The following CAMKK2 variants were observed in gnomAD, a reference collection of about 807,000 sequenced individuals.
The protein encoded by CAMKK2 is calcium/calmodulin dependent protein kinase kinase 2, also known as calcium/calmodulin-dependent protein kinase kinase 2.
In CAMKK2, 30 loss-of-function variants were observed where a neutral mutation model predicts 67.2. That is an observed-to-expected ratio of 0.45 (90% CI 0.33 to 0.61). The LOEUF (loss-of-function observed/expected upper bound fraction) is 0.61. Ranked by LOEUF, CAMKK2 falls within the 20% of genes least tolerant of loss-of-function variation. The probability of loss-of-function intolerance (pLI) is 0.02; values close to 1 mark genes in which losing one functional copy is unlikely to be tolerated. For missense variants in CAMKK2, 643 were observed against 802.0 expected (o/e 0.80, Z 2.39); for synonymous variants, 322 against 326.2 (o/e 0.99, Z 0.14).
At chr12:121,270,975 T>C (rs199517871) in intron 2 of CAMKK2, 30 bp from the exon 3 acceptor site, 72 of 1,605,894 alleles carry the variant, frequency 4.5e-5, no homozygotes, top group Non-Finnish European at 5.9e-5. Flanking sequence ...ACGTGCAAAA[T>C]GAATTTTAAG....
intron 14 of CAMKK2, among the ~76,000 whole-genome samples, chr12:121,247,531 A>G (rs1057333682): frequency 6.6e-6 from 1 of 152,190 alleles, no homozygotes; most frequent in South Asian, 2.1e-4. Context: ...GTGGGTGCAG[A>G]GTCCGACGCC....
chr12:121,286,907 G>T (rs906520498), intron 1 of CAMKK2, among the ~76,000 whole-genome samples: 1 of 151,356 alleles, frequency 6.6e-6, no homozygotes, highest in Non-Finnish European at 1.5e-5. Context: ...TCCTTTTTTT[G>T]GGGGGCGGGG....
rs201611432 is a variant in CAMKK2, at chr12:121,240,662, G to A, written c.*37C>T. 6.1e-5 allele frequency: 95 copies of A among 1,555,330 alleles called. No homozygotes were observed. The highest frequency in any genetic ancestry group is 7.4e-5 in the Non-Finnish European group (86 of 1,156,124). Reference sequence around the variant, plus strand: ...CGCGGTGCAGCAGCCCCCCAGAGGCGACGCGGCGCGCATGCGAGGTCGAGC... The same window carrying A: ...CGCGGTGCAGCAGCCCCCCAGAGGCAACGCGGCGCGCATGCGAGGTCGAGC... On this transcript the variant is annotated 3_prime_UTR_variant, in exon 17 of 17. Coordinates refer to ENST00000404169, the MANE Select transcript of CAMKK2 (RefSeq NM_001270485.2). This position sits in a 1 kb window ranked among gnomAD's most constrained non-coding sequence, Gnocchi z 4.4.
chr12:121,241,555 C>G (rs60714133), intron 16 of CAMKK2, among the ~76,000 whole-genome samples: 102 of 152,166 alleles, frequency 6.7e-4, no homozygotes, highest in African/African-American at 2.4e-3. Context: ...GTGACAGGTG[C>G]GAGGGGAATC....
At chr12:121,286,948 C>T (rs1898867347) in intron 1 of CAMKK2, among the ~76,000 whole-genome samples, 2 of 152,148 alleles carry the variant, frequency 1.3e-5, no homozygotes, top group Non-Finnish European at 2.9e-5. Flanking sequence ...CTCTATTGCC[C>T]AGGCTGGAAT....
At chr12:121,283,037 G>A (rs1032000908) in intron 1 of CAMKK2, among the ~76,000 whole-genome samples, 1 of 152,310 alleles carries the variant, frequency 6.6e-6, no homozygotes, top group East Asian at 1.9e-4. Context: ...TTACAGGCAT[G>A]AGCCACCACG....
chr12:121,288,917 T>G lies in CAMKK2; in HGVS notation c.-60+7721A>C, dbSNP rs370024842. Among the ~76,000 whole-genome samples the G allele has an allele frequency of 3.0e-3, 460 of 152,294 alleles. 3 individuals are homozygous for G. The highest frequency in any genetic ancestry group is 0.011 in the African/African-American group (446 of 41,560). On this transcript the variant is annotated intron_variant, in intron 1 of 16. Transcript: ENST00000404169. ...GTGGGGGTGGGGGCACTACAGAATCTTCTCATTTTCTTTCATTCCTTTTCA... is the reference window on the plus strand; with the variant it reads ...GTGGGGGTGGGGGCACTACAGAATCGTCTCATTTTCTTTCATTCCTTTTCA...
At chr12:121,278,103 TCTC>T (rs1264912859) in intron 1 of CAMKK2, among the ~76,000 whole-genome samples, 1 of 152,164 alleles carries the variant, frequency 6.6e-6, no homozygotes, top group Non-Finnish European at 1.5e-5. Flanking sequence ...GTTGGTCTTA[TCTC>T]CTATTTCTCT....
chr12:121,255,625 C>T lies in CAMKK2; in HGVS notation c.832G>A (p.Val278Met), dbSNP rs1016081976. ...ELVNQGPVME[V>M]PTLKPLSEDQ... ...TCAGAGAGTGGTTTGAGGGTGGGCACTTCCATCACGGGCCTGAAAGGTCGA... is the reference window on the plus strand; with the variant it reads ...TCAGAGAGTGGTTTGAGGGTGGGCATTTCCATCACGGGCCTGAAAGGTCGA... The change falls in exon 9 of 17, where the codon GTG (valine) becomes ATG (methionine). Residue 278 changes from valine (V) to methionine (M), a missense_variant. Val to Met is a conservative substitution (Grantham distance 21). Around this residue, in one of 3 missense-constraint regions of CAMKK2, gnomAD observed 483 missense variants for 625.8 expected, o/e 0.77. Coordinates refer to ENST00000404169, the MANE Select transcript of CAMKK2 (RefSeq NM_001270485.2). 1.2e-6 allele frequency: 2 copies of T among 1,612,732 alleles called. No homozygotes were observed. Among genetic ancestry groups the T allele is most frequent in the African/African-American group, 1.3e-5 (1 of 74,658 alleles).
chr12:121,278,025 G>A (rs1566118374), intron 1 of CAMKK2, among the ~76,000 whole-genome samples: 1 of 152,178 alleles, frequency 6.6e-6, no homozygotes, highest in Non-Finnish European at 1.5e-5. Flanking sequence ...AACCATGATC[G>A]GAGTTATGAT....
intron 5 of CAMKK2, among the ~76,000 whole-genome samples, chr12:121,264,511 A>C (rs1338333964): frequency 6.6e-6 from 1 of 152,106 alleles, no homozygotes; most frequent in African/African-American, 2.4e-5. Context: ...ACAGTGCCTC[A>C]TGCCTGTAAT....
chr12:121,274,065 C>T lies in CAMKK2; in HGVS notation c.462G>A (p.Thr154=), dbSNP rs1183793846. 3 of 1,502,822 alleles carry T rather than the reference C, an allele frequency of 2.0e-6. No individual in the cohort carries two copies. Among genetic ancestry groups the T allele is most frequent in the South Asian group, 2.7e-5 (2 of 74,736 alleles). 93.1% of individuals were successfully genotyped at this position (1,502,822 alleles called of 1,614,324 possible). ...CCACCGGCTCACGCACCTGCATACC[C>T]GTGATGGAGACGTGGTGAGACTCCA... ...PTVESHHVSI[T]GMQDCVQLNQ... Residue 154 remains threonine (T), a synonymous_variant, in exon 2 of 17, where the codon ACG becomes ACA. Transcript: ENST00000404169.
intron 1 of CAMKK2, among the ~76,000 whole-genome samples, chr12:121,287,251 G>A (rs1289632728): frequency 2.0e-5 from 3 of 152,106 alleles, no homozygotes; most frequent in Non-Finnish European, 4.4e-5. Context: ...CTCTAATCCT[G>A]CCGTGCTAAC....
intron 6 of CAMKK2, chr12:121,260,685 G>C: frequency 1.9e-6 from 1 of 516,144 alleles, no homozygotes. Context: ...GGGCGCAGTG[G>C]CTCATGCCTG....
Position 121,296,027 on chromosome 12 carries a change from T to G in CAMKK2, c.-60+611A>C, listed in dbSNP as rs1318478017. ...ACTGCAACCCCGAGGTGAATTTAGG[T>G]CAGAAGGACCAAGCCTGTGAGGCTC... On this transcript the variant is annotated intron_variant, in intron 1 of 16. Transcript: ENST00000404169. This position sits in a 1 kb window ranked among gnomAD's most constrained non-coding sequence, Gnocchi z 7.1. Among the ~76,000 whole-genome samples, 1 of 151,922 alleles carries G rather than the reference T, an allele frequency of 6.6e-6. No individual in the cohort carries two copies. The highest frequency in any genetic ancestry group is 2.4e-5 in the African/African-American group (1 of 41,342).
intron 16 of CAMKK2, among the ~76,000 whole-genome samples, chr12:121,241,544 C>T (rs956803392): frequency 2.0e-5 from 3 of 152,250 alleles, no homozygotes; most frequent in South Asian, 4.1e-4. Context: ...GCGTGGATGG[C>T]GTGACAGGTG....
In CAMKK2 at chr12:121,243,926, C is replaced by T. The variant is rs545193151; in HGVS notation, c.1596+647G>A. 7.7e-6 allele frequency: 11 copies of T among 1,430,344 alleles called. No homozygotes were observed. In the African/African-American group the frequency reaches 1.6e-4, roughly 21 times the overall value. 88.6% of individuals were successfully genotyped at this position (1,430,344 alleles called of 1,614,324 possible). On this transcript the variant is annotated intron_variant, in intron 16 of 16. Coordinates refer to ENST00000404169, the MANE Select transcript of CAMKK2 (RefSeq NM_001270485.2). Reference sequence around the variant, plus strand: ...AGGGCAGTGGGGTCCCCACCCACCACAGCACCTGCAGCAGGGGTGCCCAGC... The same window carrying T: ...AGGGCAGTGGGGTCCCCACCCACCATAGCACCTGCAGCAGGGGTGCCCAGC...
intron 1 of CAMKK2, among the ~76,000 whole-genome samples, chr12:121,278,792 C>T (rs547571391): frequency 2.0e-5 from 3 of 152,224 alleles, no homozygotes; most frequent in Non-Finnish European, 4.4e-5. Flanking sequence ...TTATCAGCAG[C>T]GTGAAAACGG....
At chr12:121,282,040 T>C (rs542382916) in intron 1 of CAMKK2, among the ~76,000 whole-genome samples, 2 of 152,198 alleles carry the variant, frequency 1.3e-5, no homozygotes, top group South Asian at 2.1e-4. Flanking sequence ...GGGACCACTT[T>C]AGATTTGAAG....
Sources: allele counts gnomAD v4.1 joint callset (sites outside exome capture counted in the v4.1 genomes callset), GRCh38; gene constraint gnomAD v4.1.1; regional missense constraint gnomAD v4.1.1; non-coding constraint Gnocchi (gnomAD v3.1); transcripts MANE v1.5; gene names NCBI Gene and HGNC (gene_info 2026-07-23, HGNC 2026-07-21).